The following MPHOSPH8 variants were observed in gnomAD, a reference collection of about 807,000 sequenced individuals.
MPHOSPH8 encodes M-phase phosphoprotein 8.
A neutral mutation model predicts 87.3 loss-of-function variants in MPHOSPH8; 45 were observed. That is an observed-to-expected ratio of 0.52 (90% CI 0.41 to 0.66). The LOEUF is 0.66. MPHOSPH8 is among the 30% of genes least tolerant of loss of function. The pLI, the probability that MPHOSPH8 is intolerant of heterozygous loss-of-function variation, is 0.00. For synonymous variants in MPHOSPH8, 366 were observed against 376.9 expected (o/e 0.97, Z 0.33); for missense variants, 883 against 1,020.2 (o/e 0.87, Z 1.83).
In MPHOSPH8 at chr13:19,649,984, A is replaced by ATTAAT; in HGVS notation, c.1319-17_1319-16insAATTT. 1 of 1,533,464 alleles carries ATTAAT rather than the reference A, an allele frequency of 6.5e-7. No individual in the cohort carries two copies. The highest frequency in any genetic ancestry group is 1.2e-5 in the South Asian group (1 of 80,878). The allele number at this position is 1,533,464 out of a possible 1,614,324, so 95.0% of individuals were successfully genotyped here. A position where few individuals can be genotyped will look rare whatever the true frequency, so the allele number is the denominator to read the frequency against. On this transcript the variant is annotated intron_variant, in intron 4 of 13. Coordinates refer to ENST00000361479, the MANE Select transcript of MPHOSPH8 (RefSeq NM_017520.4). ...ATTTGTGACTCATACTTAACCATCT[A>ATTAAT]TTTTAATTTTTTCGTTAGCACTTAA...
intron 11 of MPHOSPH8, among the ~76,000 whole-genome samples, chr13:19,669,371 G>A (rs983566381): frequency 2.0e-5 from 3 of 151,682 alleles, no homozygotes; most frequent in South Asian, 2.1e-4. Flanking sequence ...TTGATTATTC[G>A]GGTGGACCAT....
chr13:19,633,693 GC>G lies in MPHOSPH8; in HGVS notation c.-55del. Reference sequence around the variant, plus strand: ...TAGGGCCGAGCGCGGAACGCGAGGGGCTGCTGGGGTGTTTGTCGCAGCGGGT... The same window carrying G: ...TAGGGCCGAGCGCGGAACGCGAGGGGTGCTGGGGTGTTTGTCGCAGCGGGT... On this transcript the variant is annotated 5_prime_UTR_variant, in exon 1 of 14. It introduces an in-frame stop codon into an upstream open reading frame of the 5' UTR. Coordinates refer to ENST00000361479, the MANE Select transcript of MPHOSPH8 (RefSeq NM_017520.4). 6.5e-7 allele frequency: 1 copy of G among 1,538,668 alleles called. No homozygotes were observed. The highest frequency in any genetic ancestry group is 1.2e-5 in the South Asian group (1 of 83,766).
chr13:19,644,867 T>G (rs1047301825), intron 2 of MPHOSPH8, among the ~76,000 whole-genome samples: 1 of 152,250 alleles, frequency 6.6e-6, no homozygotes, highest in African/African-American at 2.4e-5. Context: ...GGGGTCTTTT[T>G]GCCTGATGCT....
Position 19,633,716 on chromosome 13 carries a change from G to T in MPHOSPH8, c.-33G>T. 1.3e-6 allele frequency: 2 copies of T among 1,561,490 alleles called. No individual in the cohort carries two copies. The highest frequency in any genetic ancestry group is 2.2e-4 in the Middle Eastern group (1 of 4,564). On this transcript the variant is annotated 5_prime_UTR_variant, in exon 1 of 14. Transcript: ENST00000361479. ...GGGCTGCTGGGGTGTTTGTCGCAGC[G>T]GGTTTTCCTCGGCGGTTTGCGGAGC...
chr13:19,658,371 G>A (rs1875314004), intron 5 of MPHOSPH8, among the ~76,000 whole-genome samples: 1 of 149,456 alleles, frequency 6.7e-6, no homozygotes, highest in Non-Finnish European at 1.5e-5. Flanking sequence ...CTGCACTGAA[G>A]TCTGTGTGAT....
chr13:19,669,073 C>A (rs1419817543), intron 11 of MPHOSPH8, among the ~76,000 whole-genome samples: 1 of 152,150 alleles, frequency 6.6e-6, no homozygotes, highest in Non-Finnish European at 1.5e-5. Flanking sequence ...AACTCCTGTT[C>A]CCCATTTTGT....
intron 1 of MPHOSPH8, among the ~76,000 whole-genome samples, chr13:19,635,999 G>T (rs933372238): frequency 4.6e-5 from 7 of 152,136 alleles, no homozygotes; most frequent in Non-Finnish European, 1.0e-4. Flanking sequence ...TGTGAAGAAG[G>T]TGCCTGCTTC....
At position 19,666,461 on chromosome 13, in the gene MPHOSPH8, G is replaced by A. The variant is rs1185655055; in HGVS notation, c.2056G>A (p.Val686Ile). The A allele has an allele frequency of 2.5e-6, 4 of 1,610,982 alleles. No homozygotes were observed. Among genetic ancestry groups the A allele is most frequent in the Admixed American group, 1.7e-5 (1 of 59,990 alleles). The change falls in exon 10 of 14, where the codon GTA becomes ATA. Residue 686 changes from valine to isoleucine, a missense_variant. Physicochemically the swap from Val to Ile is conservative, Grantham distance 29. Around this residue, in one of 3 missense-constraint regions of MPHOSPH8, gnomAD observed 741 missense variants for 841.5 expected, o/e 0.88. Transcript: ENST00000361479. ...KRGNSDIVRL[V>I]IECGADCNIL... Reference sequence around the variant, plus strand: ...AGGAAATTCAGACATCGTACGACTCGTAATTGAATGTGGAGCTGACTGCAA... The same window carrying A: ...AGGAAATTCAGACATCGTACGACTCATAATTGAATGTGGAGCTGACTGCAA...
At chr13:19,665,713 A>G (rs1875776924) in intron 9 of MPHOSPH8, among the ~76,000 whole-genome samples, 1 of 152,220 alleles carries the variant, frequency 6.6e-6, no homozygotes, top group Non-Finnish European at 1.5e-5. Context: ...CTGCTGCCCC[A>G]GCATCTGCCT....
At position 19,654,863 on chromosome 13, in the gene MPHOSPH8, G is replaced by A. The variant is rs140577973; in HGVS notation, c.1577-4132G>A. Among the ~76,000 whole-genome samples the A allele has an allele frequency of 3.9e-3, 596 of 152,086 alleles. 4 individuals carry two copies. Among genetic ancestry groups the A allele is most frequent in the Non-Finnish European group, 5.0e-3 (342 of 68,022 alleles). ...CTCAGGAAGTTGAGGCAGGAGAATC[G>A]CTTGAACCCAGGAGGCAGAGGTTTC... On this transcript the variant is annotated intron_variant, in intron 5 of 13. Coordinates refer to ENST00000361479, the MANE Select transcript of MPHOSPH8 (RefSeq NM_017520.4).
chr13:19,667,020 G>A (rs1875855997), intron 10 of MPHOSPH8, among the ~76,000 whole-genome samples: 1 of 151,926 alleles, frequency 6.6e-6, no homozygotes, highest in South Asian at 2.1e-4. Context: ...AAATTAGCCG[G>A]GCGTGGTGGT....
chr13:19,667,600 C>T lies in MPHOSPH8; in HGVS notation c.2175-777C>T, dbSNP rs560750035. Among the ~76,000 whole-genome samples, 4 of 151,798 alleles carry T rather than the reference C, an allele frequency of 2.6e-5. No individual in the cohort carries two copies. In the East Asian group the frequency reaches 5.8e-4, roughly 22 times the overall value. On this transcript the variant is annotated intron_variant, in intron 10 of 13. Coordinates refer to ENST00000361479, the MANE Select transcript of MPHOSPH8 (RefSeq NM_017520.4). ...TTGCCCTTTCCAGAACAGGTGGAAT[C>T]ACACATTATTTGGTCTTTGCAGGTT...
At chr13:19,643,575 A>G (rs1874408460) in intron 2 of MPHOSPH8, among the ~76,000 whole-genome samples, 1 of 152,148 alleles carries the variant, frequency 6.6e-6, no homozygotes. Flanking sequence ...AGATGGTACC[A>G]TATACTAATT....
chr13:19,668,409 A>T lies in MPHOSPH8; in HGVS notation c.2207A>T (p.Asp736Val), dbSNP rs1380921558. 1.9e-6 allele frequency: 3 copies of T among 1,613,882 alleles called. No homozygotes were observed. In the Admixed American group the frequency reaches 5.0e-5, roughly 27 times the overall value. Residue 736 changes from aspartate (D) to valine (V), a missense_variant, in exon 11 of 14, where the codon GAT becomes GTT. Transcript: ENST00000361479. ...LSRVAEETIKDYFEARLALLE... is the reference protein window; with the variant it reads ...LSRVAEETIKVYFEARLALLE... ...AGAGTAGCAGAAGAGACAATAAAGG[A>T]TTACTTTGAAGCTCGCCTTGCTCTG...
intron 11 of MPHOSPH8, 42 bp from the exon 12 acceptor site, chr13:19,670,194 A>T (rs760978023): frequency 7.1e-5 from 114 of 1,612,104 alleles, no homozygotes; most frequent in Non-Finnish European, 9.6e-5. Context: ...TGGGGACTGA[A>T]GGTTGCCTTT....
intron 7 of MPHOSPH8, among the ~76,000 whole-genome samples, chr13:19,659,964 T>G (rs1166583856): frequency 1.4e-5 from 2 of 140,374 alleles, no homozygotes; most frequent in East Asian, 4.2e-4. Context: ...GATTTTTTTT[T>G]TTTTTTTTTT....
In MPHOSPH8 at chr13:19,659,211, G is replaced by C. The variant is rs1446430799; in HGVS notation, c.1713G>C (p.Arg571Ser). The C allele has an allele frequency of 6.2e-7, 1 of 1,612,704 alleles. No individual in the cohort carries two copies. Among genetic ancestry groups the C allele is most frequent in the Non-Finnish European group, 8.5e-7 (1 of 1,179,332 alleles). ...TTTCTTTCATTTTAGATGTGTTAAGGGATGCTGTGAAAAATGGGGATTATA... is the reference window on the plus strand; with the variant it reads ...TTTCTTTCATTTTAGATGTGTTAAGCGATGCTGTGAAAAATGGGGATTATA... ...ATDAIPSNVL[R>S]DAVKNGDYIT... Residue 571 changes from arginine (R) to serine (S), a missense_variant, in exon 7 of 14, where the codon AGG becomes AGC. Around this residue, in one of 3 missense-constraint regions of MPHOSPH8, gnomAD observed 741 missense variants for 841.5 expected, o/e 0.88. Coordinates refer to ENST00000361479, the MANE Select transcript of MPHOSPH8 (RefSeq NM_017520.4).
At chr13:19,634,006 G>T in intron 1 of MPHOSPH8, 45 bp downstream of exon 1, 1 of 1,573,502 alleles carries the variant, frequency 6.4e-7, no homozygotes, top group South Asian at 1.2e-5. Flanking sequence ...GGAGCTCCGG[G>T]CCTGGCGGGG....
intron 1 of MPHOSPH8, among the ~76,000 whole-genome samples, chr13:19,635,250 A>C (rs946435687): frequency 6.6e-6 from 1 of 152,170 alleles, no homozygotes; most frequent in African/African-American, 2.4e-5. Context: ...GGCCGGGCGC[A>C]GTGGCTTATA....
Sources: allele counts gnomAD v4.1 joint callset (sites outside exome capture counted in the v4.1 genomes callset), GRCh38; gene constraint gnomAD v4.1.1; regional missense constraint gnomAD v4.1.1; transcripts MANE v1.5; gene names NCBI Gene and HGNC (gene_info 2026-07-23, HGNC 2026-07-21).